CLSTN2: variants seen among roughly 807,000 people sequenced by gnomAD.
CLSTN2 encodes calsyntenin 2, also known as calsyntenin-2.
Under a neutral mutation model 101.2 loss-of-function variants are expected in CLSTN2, and 48 were observed. The observed-to-expected ratio is 0.47, with a 90% CI of 0.38 to 0.60. CLSTN2 has a LOEUF of 0.60. Among genes scored for constraint, CLSTN2 ranks in the 20% least tolerant of loss-of-function variants. CLSTN2 has a pLI of 0.00. For synonymous variants in CLSTN2, 481 were observed against 463.6 expected (o/e 1.04, Z -0.48); for missense variants, 1,160 against 1,238.2 (o/e 0.94, Z 0.95).
intron 2 of CLSTN2, among the ~76,000 whole-genome samples, chr3:140,306,881 A>ATTT (rs1303718075): frequency 1.5e-5 from 2 of 134,994 alleles, no homozygotes; most frequent in African/African-American, 5.5e-5. Context: ...TATTATTATT[A>ATTT]TTTATTTTTT....
chr3:140,360,960 A>T lies in CLSTN2; in HGVS notation c.233-42669A>T, dbSNP rs544324580. 2.0e-5 allele frequency among the ~76,000 whole-genome samples: 3 copies of T among 152,292 alleles called. No individual in the cohort carries two copies. In the East Asian group the frequency reaches 5.8e-4, roughly 29 times the overall value. On this transcript the variant is annotated intron_variant, in intron 2 of 16. Transcript: ENST00000458420. Reference sequence around the variant, plus strand: ...GAAGAAGTAATGCAAATCTTTTACAAACTCTTTCAGGAAATAGAGGAGGAA... The same window carrying T: ...GAAGAAGTAATGCAAATCTTTTACATACTCTTTCAGGAAATAGAGGAGGAA...
At chr3:140,201,979 G>C (rs1047859362) in intron 2 of CLSTN2, among the ~76,000 whole-genome samples, 1 of 152,178 alleles carries the variant, frequency 6.6e-6, no homozygotes, top group Non-Finnish European at 1.5e-5. Context: ...GAAATGAGGG[G>C]ATGCACCCTG....
intron 10 of CLSTN2, among the ~76,000 whole-genome samples, chr3:140,553,536 T>A (rs190190959): frequency 6.6e-6 from 1 of 152,256 alleles, no homozygotes; most frequent in Admixed American, 6.5e-5. Context: ...AGTGCTAAAT[T>A]TTCCCAAACA....
intron 1 of CLSTN2, among the ~76,000 whole-genome samples, chr3:140,056,708 T>C (rs987450924): frequency 1.4e-4 from 21 of 152,334 alleles, no homozygotes; most frequent in Non-Finnish European, 3.1e-4. Context: ...CCTACAGTTG[T>C]GGACCTAAAC....
intron 2 of CLSTN2, among the ~76,000 whole-genome samples, chr3:140,358,969 G>A (rs1449676790): frequency 6.6e-6 from 1 of 152,092 alleles, no homozygotes; most frequent in African/African-American, 2.4e-5. Flanking sequence ...CTCCCAGGCA[G>A]GACTGGCATC....
rs548196357 is a variant in CLSTN2, at chr3:140,571,849, A to C, written c.*5596A>C. 3.3e-4 allele frequency: 51 copies of C among 152,390 alleles called. No individual in the cohort carries two copies. The highest frequency in any genetic ancestry group is 1.2e-3 in the African/African-American group (48 of 41,576). 9.4% of individuals were successfully genotyped at this position (152,390 alleles called of 1,614,324 possible). A position where few individuals can be genotyped will look rare whatever the true frequency, so the allele number is the denominator to read the frequency against. ...GGCTTCATTCCATCCCAGGGAGACA[A>C]AAAGAGACAGAAGAAGTTACCTCCA... On this transcript the variant is annotated 3_prime_UTR_variant, in exon 17 of 17. Transcript: ENST00000458420.
intron 1 of CLSTN2, among the ~76,000 whole-genome samples, chr3:139,959,141 A>G (rs1032908087): frequency 6.6e-5 from 10 of 152,096 alleles, no homozygotes; most frequent in African/African-American, 2.4e-4. Flanking sequence ...CTTCTGGCAC[A>G]CGTCTTCTGT....
At chr3:140,509,391 G>A (rs1483875517) in intron 8 of CLSTN2, among the ~76,000 whole-genome samples, 1 of 152,168 alleles carries the variant, frequency 6.6e-6, no homozygotes, top group Non-Finnish European at 1.5e-5. Context: ...CCATGGGTCT[G>A]AGGTGAGGCT....
At chr3:140,129,150 T>C (rs1488553947) in intron 1 of CLSTN2, among the ~76,000 whole-genome samples, 1 of 138,730 alleles carries the variant, frequency 7.2e-6, no homozygotes, top group African/African-American at 2.7e-5. Context: ...GTTTATCAAA[T>C]TGATTTGATT....
chr3:140,074,375 T>C (rs2008450954), intron 1 of CLSTN2, among the ~76,000 whole-genome samples: 1 of 152,078 alleles, frequency 6.6e-6, no homozygotes, highest in African/African-American at 2.4e-5. Context: ...TGCCCCTCCA[T>C]TCTGGGCAGC....
chr3:140,155,448 G>T (rs1446155925), intron 1 of CLSTN2, among the ~76,000 whole-genome samples: 1 of 152,184 alleles, frequency 6.6e-6, no homozygotes, highest in Non-Finnish European at 1.5e-5. Context: ...CAGGTCTGGG[G>T]AGGAAAGTTG....
intron 2 of CLSTN2, among the ~76,000 whole-genome samples, chr3:140,223,457 G>A (rs979321036): frequency 6.6e-6 from 1 of 152,122 alleles, no homozygotes; most frequent in African/African-American, 2.4e-5. Flanking sequence ...GAGCTAAAGG[G>A]GGTCCTTGGG....
chr3:140,024,255 C>T (rs939325316), intron 1 of CLSTN2, among the ~76,000 whole-genome samples: 4 of 152,082 alleles, frequency 2.6e-5, no homozygotes, highest in Non-Finnish European at 5.9e-5. Context: ...TGTTATGAGT[C>T]TGAGTATGGA....
chr3:140,118,684 C>T (rs1270687951), intron 1 of CLSTN2, among the ~76,000 whole-genome samples: 1 of 151,984 alleles, frequency 6.6e-6, no homozygotes, highest in Non-Finnish European at 1.5e-5. Flanking sequence ...AGGTGGGGGG[C>T]CCAGTCCAAT....
At chr3:140,046,502 A>C (rs1446882191) in intron 1 of CLSTN2, among the ~76,000 whole-genome samples, 1 of 152,166 alleles carries the variant, frequency 6.6e-6, no homozygotes, top group Non-Finnish European at 1.5e-5. Flanking sequence ...TGGAGCATTT[A>C]GCCCATTTAC....
chr3:140,060,617 C>T (rs2008188240), intron 1 of CLSTN2, among the ~76,000 whole-genome samples: 1 of 152,154 alleles, frequency 6.6e-6, no homozygotes. Flanking sequence ...CAGTGGATAC[C>T]TGGCTCAGGG....
At chr3:140,279,207 C>T (rs1240199823) in intron 2 of CLSTN2, among the ~76,000 whole-genome samples, 1 of 152,136 alleles carries the variant, frequency 6.6e-6, no homozygotes, top group Admixed American at 6.5e-5. Flanking sequence ...TTCAGATATC[C>T]ACTGAGAGAG....
At chr3:140,306,823 G>A (rs528270165) in intron 2 of CLSTN2, among the ~76,000 whole-genome samples, 2 of 151,288 alleles carry the variant, frequency 1.3e-5, no homozygotes, top group South Asian at 2.1e-4. Context: ...CAGAGTTCTA[G>A]TGTTCTGGGA....
At chr3:140,187,027 T>C (rs1320463047) in intron 2 of CLSTN2, among the ~76,000 whole-genome samples, 1 of 152,226 alleles carries the variant, frequency 6.6e-6, no homozygotes, top group African/African-American at 2.4e-5. Flanking sequence ...AAATCTTTAT[T>C]CTCTTTGTCC....
Sources: allele counts gnomAD v4.1 joint callset (sites outside exome capture counted in the v4.1 genomes callset), GRCh38; gene constraint gnomAD v4.1.1; transcripts MANE v1.5; gene names NCBI Gene and HGNC (gene_info 2026-07-23, HGNC 2026-07-21).